Variants in KLC2 observed in about 807,000 individuals in gnomAD.
KLC2 encodes the protein KLC 2.
KLC2 carries 35 observed loss-of-function variants against 75.1 expected under a neutral mutation model. The ratio of observed to expected loss-of-function variants is 0.47; its 90% CI spans 0.36 to 0.62. The LOEUF is 0.62. Among genes scored for constraint, KLC2 ranks in the 20% least tolerant of loss-of-function variants. The probability of loss-of-function intolerance (pLI) is 0.00; values close to 1 mark genes in which losing one functional copy is unlikely to be tolerated. For synonymous variants in KLC2, 314 were observed against 336.7 expected, an observed-to-expected ratio of 0.93 and a Z score of 0.74; for missense variants, 611 against 833.2, an observed-to-expected ratio of 0.73 and a Z score of 3.28.
the KLC2 span, among the ~76,000 whole-genome samples, chr11:66,247,388 T>C: frequency 2.6e-5 from 4 of 152,200 alleles, no homozygotes; most frequent in Non-Finnish European, 5.9e-5. Context: ...GCTGAAGCCT[T>C]ACCTGTGAGG....
In KLC2 at chr11:66,262,469, G is replaced by A. The variant is rs1035129205; in HGVS notation, c.529+277G>A. On this transcript the variant is annotated intron_variant, in intron 4 of 15. Coordinates refer to ENST00000394067, the MANE Select transcript of KLC2 (RefSeq NM_001318734.2). ...CCTTGGGAGAGTTCTCTTCCTCTCC[G>A]AATCACCTCTGAAGGAGGCACATGC... 41 of 552,672 alleles carry A rather than the reference G, an allele frequency of 7.4e-5. 1 individual carries two copies. Among genetic ancestry groups the A allele is most frequent in the African/African-American group, 1.7e-4 (9 of 53,090 alleles). The allele number at this position is 552,672 out of a possible 1,614,324, so 34.2% of individuals were successfully genotyped here.
At position 66,263,971 on chromosome 11, in the gene KLC2, G is replaced by C. The variant is rs1029212878; in HGVS notation, c.942+19G>C. 6.2e-6 allele frequency: 10 copies of C among 1,612,946 alleles called. No homozygotes were observed. In the African/African-American group the frequency reaches 9.3e-5, roughly 15 times the overall value. On this transcript the variant is annotated intron_variant, in intron 7 of 15. Transcript: ENST00000394067. ...GGAGAAGGTGGGAACAGGCAGGGCT[G>C]GGCAGGCTGGGGGTCTGGGAGGCAG...
rs982419319 is a variant in KLC2 at position 66,267,490 on chromosome 11, G to C, written c.*534G>C. 1 of 699,634 alleles carries C rather than the reference G, an allele frequency of 1.4e-6. No individual in the cohort carries two copies. The highest frequency in any genetic ancestry group is 2.7e-6 in the Non-Finnish European group (1 of 373,524). 43.3% of individuals were successfully genotyped at this position (699,634 alleles called of 1,614,324 possible). A position where few individuals can be genotyped will look rare whatever the true frequency, so the allele number is the denominator to read the frequency against. Reference sequence around the variant, plus strand: ...TCCCAGGCTCTACATTCTCGGGAGCGGCGCCTCCCAAGGGGGTCCTGGGAC... The same window carrying C: ...TCCCAGGCTCTACATTCTCGGGAGCCGCGCCTCCCAAGGGGGTCCTGGGAC... On this transcript the variant is annotated 3_prime_UTR_variant, in exon 16 of 16. Transcript: ENST00000394067.
rs1180627372 is a variant in KLC2 at position 66,258,628 on chromosome 11, C to A, written c.34C>A (p.Leu12Met). Residue 12 changes from leucine to methionine, a missense_variant, in exon 2 of 16, where the codon CTG (leucine) becomes ATG (methionine). Leu to Met is a conservative substitution (Grantham distance 15). Coordinates refer to ENST00000394067, the MANE Select transcript of KLC2 (RefSeq NM_001318734.2). ...AMMVFPREEK[L>M]SQDEIVLGTK... ...GATGGTGTTTCCGCGGGAGGAGAAG[C>A]TGAGCCAGGATGAGATCGTGCTGGG... is the stretch of plus-strand genomic sequence containing the variant. 1.9e-6 allele frequency: 3 copies of A among 1,613,650 alleles called. No individual in the cohort carries two copies. The highest frequency in any genetic ancestry group is 2.5e-6 in the Non-Finnish European group (3 of 1,179,762).
rs1407828596 is a variant in KLC2, at chr11:66,266,089, G to A, written c.1603-4G>A. 1.2e-6 allele frequency: 2 copies of A among 1,613,962 alleles called. No individual in the cohort carries two copies. Among genetic ancestry groups the A allele is most frequent in the African/African-American group, 2.7e-5 (2 of 74,938 alleles). On this transcript the variant is annotated splice_region_variant and splice_polypyrimidine_tract_variant and intron_variant, in intron 13 of 15. Transcript: ENST00000394067. ...GGCCTAGAGGCAAGCCTGTCCACCT[G>A]CAGGATGGCAGTGGCTCCTTGAGGC...
At chr11:66,253,392 G>A (rs186692700), upstream of KLC2, among the ~76,000 whole-genome samples, 5 of 152,336 alleles carry the variant, frequency 3.3e-5, no homozygotes, top group East Asian at 3.9e-4. Context: ...TCAGTGGGAC[G>A]AGGGCTTCTG....
chr11:66,265,337 C>A, intron 11 of KLC2, 102 bp downstream of exon 11: 1 of 1,013,038 alleles, frequency 9.9e-7, no homozygotes, highest in Non-Finnish European at 1.5e-6. Flanking sequence ...GCTCATCTGG[C>A]AAGGCCCAAC....
At chr11:66,256,546 G>C (rs1041372401), upstream of KLC2, among the ~76,000 whole-genome samples, 4 of 152,114 alleles carry the variant, frequency 2.6e-5, no homozygotes, top group African/African-American at 7.2e-5. Context: ...CCAAGATCGT[G>C]CCACTGCACT....
the KLC2 span, among the ~76,000 whole-genome samples, chr11:66,250,262 A>T: frequency 6.6e-6 from 1 of 151,622 alleles, no homozygotes; most frequent in African/African-American, 2.4e-5. Context: ...TGAGAGCTCC[A>T]GGAGGACAAA....
chr11:66,251,486 A>G, the KLC2 span, among the ~76,000 whole-genome samples: 1 of 128,734 alleles, frequency 7.8e-6, no homozygotes, highest in African/African-American at 2.7e-5. Flanking sequence ...ACAGAGTGAG[A>G]CTCCGTCTCA....
the KLC2 span, among the ~76,000 whole-genome samples, chr11:66,250,833 C>T: frequency 6.6e-6 from 1 of 152,170 alleles, no homozygotes; most frequent in African/African-American, 2.4e-5. Context: ...AGCTGGAGAC[C>T]ATGGGGATGG....
intron 2 of KLC2, among the ~76,000 whole-genome samples, 200 bp downstream of exon 2, chr11:66,259,022 C>T (rs1023874188): frequency 2.0e-5 from 3 of 152,162 alleles, no homozygotes; most frequent in African/African-American, 7.2e-5. Context: ...CATGATCACC[C>T]TTGCCCCCAC....
At position 66,266,203 on chromosome 11, in the gene KLC2, G is replaced by A; in HGVS notation, c.1713G>A (p.Glu571=). The change falls in exon 14 of 16, where the codon GAG becomes GAA. Residue 571 remains glutamate (E), a synonymous_variant. Transcript: ENST00000394067. The part of the protein sequence containing the change: ...VKKLQGGTPQ[E]PPNPRMKRAS... ...AGCTGCAGGGGGGCACCCCCCAGGA[G>A]CCCCCTAACCCCAGGTGAGCCCCCC... 1.2e-6 allele frequency: 2 copies of A among 1,608,400 alleles called. No homozygotes were observed. The highest frequency in any genetic ancestry group is 1.7e-6 in the Non-Finnish European group (2 of 1,177,746).
Position 66,262,922 on chromosome 11 carries a change from G to A in KLC2, c.638G>A (p.Arg213His). The A allele has an allele frequency of 3.7e-6, 6 of 1,613,820 alleles. No individual in the cohort carries two copies. Among genetic ancestry groups the A allele is most frequent in the South Asian group, 1.1e-5 (1 of 91,066 alleles). ...GTGATCCAATACGCCTCACAGGGCC[G>A]CTACGAGGTAGCTGTGCCACTCTGC... is the stretch of plus-strand genomic sequence containing the variant. ...NLVIQYASQG[R>H]YEVAVPLCKQ... is the part of the protein sequence containing the mutation. The change falls in exon 5 of 16, where the codon CGC becomes CAC. Residue 213 changes from arginine (R) to histidine (H), a missense_variant. Arg to His is a conservative substitution (Grantham distance 29). Coordinates refer to ENST00000394067, the MANE Select transcript of KLC2 (RefSeq NM_001318734.2).
rs1283118881 is a variant in KLC2 at position 66,262,618 on chromosome 11, G to T, written c.530-196G>T. ...CAGCTTGCCCCAGGACACAGAGCCT[G>T]AAGTACTGGAGCTGGGCCTCTACCC... On this transcript the variant is annotated intron_variant, in intron 4 of 15. Transcript: ENST00000394067. 4.9e-5 allele frequency: 29 copies of T among 595,226 alleles called. 1 individual carries two copies. In the East Asian group the frequency reaches 7.8e-4, roughly 16 times the overall value. The allele number at this position is 595,226 out of a possible 1,614,324, so 36.9% of individuals were successfully genotyped here.
At chr11:66,260,565 C>T (rs1475864146) in intron 2 of KLC2, among the ~76,000 whole-genome samples, 2 of 152,036 alleles carry the variant, frequency 1.3e-5, no homozygotes, top group Non-Finnish European at 2.9e-5. Context: ...GCTTAAATCC[C>T]GGACTTCATG....
upstream of KLC2, among the ~76,000 whole-genome samples, chr11:66,252,378 C>T (rs867026628): frequency 4.1e-5 from 6 of 147,916 alleles, no homozygotes; most frequent in South Asian, 4.3e-4. Context: ...CTCCGCCTCC[C>T]GGGTTCGCGC....
upstream of KLC2, among the ~76,000 whole-genome samples, chr11:66,253,721 T>C (rs1363030102): frequency 6.6e-6 from 1 of 152,188 alleles, no homozygotes; most frequent in Admixed American, 6.5e-5. Context: ...GCCAAGTGGC[T>C]GAAAGGGCCG....
rs374310320 is a variant in KLC2, at chr11:66,261,947, A to G, written c.434A>G (p.Lys145Arg). Residue 145 changes from lysine to arginine, a missense_variant, in exon 3 of 16, where the codon AAG becomes AGG. Lys to Arg is a conservative substitution (Grantham distance 26). Coordinates refer to ENST00000394067, the MANE Select transcript of KLC2 (RefSeq NM_001318734.2). ...QHLLFMSQIR[K>R]LDEDASPNEE... Reference sequence around the variant, plus strand: ...TTGCTGTTCATGAGCCAGATCCGCAAGTTGGATGAAGACGCCTCCCCTAAC... The same window carrying G: ...TTGCTGTTCATGAGCCAGATCCGCAGGTTGGATGAAGACGCCTCCCCTAAC... 62 of 1,614,004 alleles carry G rather than the reference A, an allele frequency of 3.8e-5. No homozygotes were observed. The highest frequency in any genetic ancestry group is 5.1e-5 in the Non-Finnish European group (60 of 1,180,000).
Sources: allele counts gnomAD v4.1 joint callset (sites outside exome capture counted in the v4.1 genomes callset), GRCh38; gene constraint gnomAD v4.1.1; transcripts MANE v1.5; gene names NCBI Gene and HGNC (gene_info 2026-07-23, HGNC 2026-07-21).